FAM131B: variants seen among roughly 807,000 people sequenced by gnomAD.
The protein encoded by FAM131B is family with sequence similarity 131 member B.
Under a neutral mutation model 42.0 loss-of-function variants are expected in FAM131B, and 19 were observed. The ratio of observed to expected loss-of-function variants is 0.45; its 90% CI spans 0.32 to 0.66. FAM131B has a LOEUF of 0.66. FAM131B is among the 30% of genes least tolerant of loss of function. FAM131B has a pLI of 0.05. For synonymous variants in FAM131B, 183 were observed against 177.6 expected (o/e 1.03, Z -0.24); for missense variants, 370 against 468.4 (o/e 0.79, Z 1.94).
chr7:143,367,541 CTAAAAA>C (rs1804207770), upstream of FAM131B, among the ~76,000 whole-genome samples: 1 of 152,106 alleles, frequency 6.6e-6, no homozygotes. Flanking sequence ...TCCGTCTCTA[CTAAAAA>C]TACAAAAATT....
the FAM131B span, among the ~76,000 whole-genome samples, chr7:143,371,497 C>T: frequency 1.3e-5 from 2 of 150,976 alleles, no homozygotes; most frequent in Non-Finnish European, 2.9e-5. Flanking sequence ...GCCTGTGGTC[C>T]CAGCTACTTG....
chr7:143,380,045 A>G, the FAM131B span: 1 of 984,054 alleles, frequency 1.0e-6, no homozygotes, highest in Non-Finnish European at 1.2e-6. The surrounding 1 kb of genome is among the most constrained non-coding windows in gnomAD (Gnocchi z 5.0). Flanking sequence ...AGTAGAGTGT[A>G]GCCGGATTTG....
At chr7:143,370,499 T>C in the FAM131B span, among the ~76,000 whole-genome samples, 7 of 152,110 alleles carry the variant, frequency 4.6e-5, no homozygotes, top group Non-Finnish European at 1.0e-4. Context: ...GCACAAGACA[T>C]AGGTCATAAA....
rs1274583360 is a variant in FAM131B, at chr7:143,359,642, G to C, written c.174+90C>G. 1.5e-6 allele frequency: 2 copies of C among 1,291,474 alleles called. No individual in the cohort carries two copies. The highest frequency in any genetic ancestry group is 2.2e-6 in the Non-Finnish European group (2 of 909,620). 80.0% of individuals were successfully genotyped at this position (1,291,474 alleles called of 1,614,324 possible). A position where few individuals can be genotyped will look rare whatever the true frequency, so the allele number is the denominator to read the frequency against. Reference sequence around the variant, plus strand: ...GTGCTCACAGTGCCTATTGGAGCCAGGGAATACCGTGCTGGTTGGAAGGTG... The same window carrying C: ...GTGCTCACAGTGCCTATTGGAGCCACGGAATACCGTGCTGGTTGGAAGGTG... On this transcript the variant is annotated intron_variant, in intron 3 of 6. Coordinates refer to ENST00000443739, the MANE Select transcript of FAM131B (RefSeq NM_001031690.3). This position sits in a 1 kb window ranked among gnomAD's most constrained non-coding sequence, Gnocchi z 5.4.
At chr7:143,364,261 G>T (rs149752038), upstream of FAM131B, 3 of 149,326 alleles carry the variant, frequency 2.0e-5, no homozygotes, top group Admixed American at 2.0e-4. Context: ...CTGTCCAGTC[G>T]CAAAGGAAAG....
Position 143,360,133 on chromosome 7 carries a change from T to C in FAM131B, c.45A>G (p.Ala15=), listed in dbSNP as rs1357616536. 6.2e-7 allele frequency: 1 copy of C among 1,613,188 alleles called. No homozygotes were observed. Among genetic ancestry groups the C allele is most frequent in the Non-Finnish European group, 8.5e-7 (1 of 1,179,636 alleles). The change falls in exon 2 of 7, where the codon GCA becomes GCG. Residue 15 remains alanine, a synonymous_variant. Transcript: ENST00000443739. The stretch of plus-strand genomic sequence containing the variant: ...CATCCTTCAGGCCCTTCCAATCCAC[T>C]GCAATCACCTCATTCCCTGAGGGGG... The part of the protein sequence containing the change: ...GSRTVGNEVI[A]VDWKGLKDVD...
rs377276492 is a variant in FAM131B at position 143,356,477 on chromosome 7, G to C, written c.*73C>G. 5.5e-5 allele frequency: 62 copies of C among 1,123,590 alleles called. No individual in the cohort carries two copies. Among genetic ancestry groups the C allele is most frequent in the Admixed American group, 1.4e-4 (8 of 55,642 alleles). 69.6% of individuals were successfully genotyped at this position (1,123,590 alleles called of 1,614,324 possible). On this transcript the variant is annotated 3_prime_UTR_variant, in exon 7 of 7. Transcript: ENST00000443739. The surrounding 1 kb of genome is among the most constrained non-coding windows in gnomAD (Gnocchi z 4.4). ...TCTGCCCAGTTTCAGCTGTACTGCT[G>C]GGGGGAGGGAGGGTATGGGTCACAG...
the FAM131B span, chr7:143,382,298 G>C: frequency 6.2e-7 from 1 of 1,612,568 alleles, no homozygotes; most frequent in Non-Finnish European, 8.5e-7. Flanking sequence ...CGATGCAGAG[G>C]GTGCTCTGGG....
At chr7:143,382,252 T>C in the FAM131B span, 1 of 1,612,240 alleles carries the variant, frequency 6.2e-7, no homozygotes, top group Admixed American at 1.7e-5. Context: ...CCCCAGACTT[T>C]CCCCTGCCTC....
chr7:143,354,949 C>T lies in FAM131B; in HGVS notation c.*1601G>A, dbSNP rs1371687766. On this transcript the variant is annotated 3_prime_UTR_variant, in exon 7 of 7. Transcript: ENST00000443739. ...CTGGGGGTGAGGGCAAAGTTTGTGC[C>T]CAGGGCCAGGAGAGGACAACAGTGC... is the stretch of plus-strand genomic sequence containing the variant. 1 of 151,576 alleles carries T rather than the reference C, an allele frequency of 6.6e-6. No homozygotes were observed. The highest frequency in any genetic ancestry group is 1.5e-5 in the Non-Finnish European group (1 of 68,036). The allele number at this position is 151,576 out of a possible 1,614,324, so 9.4% of individuals were successfully genotyped here. A position where few individuals can be genotyped will look rare whatever the true frequency, so the allele number is the denominator to read the frequency against.
At chr7:143,381,154 T>A in the FAM131B span, 6 of 976,944 alleles carry the variant, frequency 6.1e-6, no homozygotes, top group Non-Finnish European at 7.3e-6. Flanking sequence ...GCCTCCGGCC[T>A]GAGGCAGGAT....
rs977551105 is a variant in FAM131B at position 143,359,888 on chromosome 7, G to C, written c.139-121C>G. ...TGGGGAGGGCTTTCCTGAGGTTGAT[G>C]CCGCTAACTGGGTTCTCCATGTGGA... On this transcript the variant is annotated intron_variant, in intron 2 of 6. Transcript: ENST00000443739. The surrounding 1 kb of genome is among the most constrained non-coding windows in gnomAD (Gnocchi z 5.4). 1.9e-6 allele frequency: 2 copies of C among 1,060,254 alleles called. No individual in the cohort carries two copies. Among genetic ancestry groups the C allele is most frequent in the East Asian group, 5.2e-5 (2 of 38,650 alleles). 65.7% of individuals were successfully genotyped at this position (1,060,254 alleles called of 1,614,324 possible).
chr7:143,359,683 G>C lies in FAM131B; in HGVS notation c.174+49C>G. ...TTGGAAGGTGCAAGGGAGAAGATGA[G>C]GAGGAGGAGTTCGGGAGGATGGGGA... On this transcript the variant is annotated intron_variant, in intron 3 of 6. Transcript: ENST00000443739. The surrounding 1 kb of genome is among the most constrained non-coding windows in gnomAD (Gnocchi z 5.4). 1 of 1,511,704 alleles carries C rather than the reference G, an allele frequency of 6.6e-7. No homozygotes were observed. Among genetic ancestry groups the C allele is most frequent in the Non-Finnish European group, 9.0e-7 (1 of 1,108,346 alleles). The allele number at this position is 1,511,704 out of a possible 1,614,324, so 93.6% of individuals were successfully genotyped here. A position where few individuals can be genotyped will look rare whatever the true frequency, so the allele number is the denominator to read the frequency against.
the FAM131B span, among the ~76,000 whole-genome samples, chr7:143,369,674 C>CAAAA: frequency 2.2e-5 from 3 of 135,158 alleles, no homozygotes; most frequent in Non-Finnish European, 4.7e-5. Context: ...GAATCCGTCT[C>CAAAA]AAAAAAAAAA....
At chr7:143,381,925 G>C in the FAM131B span, 5 of 838,720 alleles carry the variant, frequency 6.0e-6, no homozygotes, top group Non-Finnish European at 8.9e-6. Flanking sequence ...TTACCTCATC[G>C]TGGAGCTCGT....
the FAM131B span, chr7:143,381,495 C>T: frequency 1.3e-6 from 2 of 1,497,738 alleles, no homozygotes; most frequent in African/African-American, 1.4e-5. Flanking sequence ...CCAAGGGGAG[C>T]TGGGACCGCC....
Position 143,358,695 on chromosome 7 carries a change from A to C in FAM131B, c.466+132T>G. The C allele has an allele frequency of 1.5e-6, 1 of 675,260 alleles. No homozygotes were observed. The highest frequency in any genetic ancestry group is 2.6e-6 in the Non-Finnish European group (1 of 385,690). The allele number at this position is 675,260 out of a possible 1,614,324, so 41.8% of individuals were successfully genotyped here. A position where few individuals can be genotyped will look rare whatever the true frequency, so the allele number is the denominator to read the frequency against. On this transcript the variant is annotated intron_variant, in intron 5 of 6. Coordinates refer to ENST00000443739, the MANE Select transcript of FAM131B (RefSeq NM_001031690.3). The surrounding 1 kb of genome is among the most constrained non-coding windows in gnomAD (Gnocchi z 4.7). Reference sequence around the variant, plus strand: ...TTTGAATTACCACATCAAAATACTTAGAGCTGTTTGGGAAATGTGAATCTA... The same window carrying C: ...TTTGAATTACCACATCAAAATACTTCGAGCTGTTTGGGAAATGTGAATCTA...
chr7:143,356,958 A>G lies in FAM131B; in HGVS notation c.675T>C (p.Cys225=), dbSNP rs771865599. 24 of 1,613,914 alleles carry G rather than the reference A, an allele frequency of 1.5e-5. No individual in the cohort carries two copies. Among genetic ancestry groups the G allele is most frequent in the Non-Finnish European group, 2.0e-5 (24 of 1,180,008 alleles). ...PHSYVSQGMY[C]LGSSDAWEAS... Reference sequence around the variant, plus strand: ...CTTCCCAGGCATCTGACGACCCCAGACAGTACATACCCTGGGACACGTAAG... The same window carrying G: ...CTTCCCAGGCATCTGACGACCCCAGGCAGTACATACCCTGGGACACGTAAG... The change falls in exon 7 of 7, where the codon TGT becomes TGC. Residue 225 remains cysteine (C), a synonymous_variant. Transcript: ENST00000443739. This position sits in a 1 kb window ranked among gnomAD's most constrained non-coding sequence, Gnocchi z 4.4.
At position 143,356,062 on chromosome 7, in the gene FAM131B, G is replaced by T. The variant is rs999587789; in HGVS notation, c.*488C>A. The T allele has an allele frequency of 6.0e-6, 1 of 167,556 alleles. No homozygotes were observed. Among genetic ancestry groups the T allele is most frequent in the Non-Finnish European group, 1.3e-5 (1 of 76,326 alleles). The allele number at this position is 167,556 out of a possible 1,614,324, so 10.4% of individuals were successfully genotyped here. A position where few individuals can be genotyped will look rare whatever the true frequency, so the allele number is the denominator to read the frequency against. The stretch of plus-strand genomic sequence containing the variant: ...CCAGCCATGTCCAACAGCCCCTGAG[G>T]TCTGTTCTCTCAGTAGGGATGAGCT... On this transcript the variant is annotated 3_prime_UTR_variant, in exon 7 of 7. Transcript: ENST00000443739. This position sits in a 1 kb window ranked among gnomAD's most constrained non-coding sequence, Gnocchi z 4.4.
Sources: allele counts gnomAD v4.1 joint callset (sites outside exome capture counted in the v4.1 genomes callset), GRCh38; gene constraint gnomAD v4.1.1; non-coding constraint Gnocchi (gnomAD v3.1); transcripts MANE v1.5; gene names NCBI Gene and HGNC (gene_info 2026-07-23, HGNC 2026-07-21).